Variants in FOXP1 observed in about 807,000 individuals in gnomAD.
FOXP1 encodes the protein forkhead box protein P1.
In FOXP1, 15 loss-of-function variants were observed where a neutral mutation model predicts 98.2. That is an observed-to-expected ratio of 0.15 (90% confidence interval 0.10 to 0.24). The LOEUF is 0.24. FOXP1 is among the 10% of genes least tolerant of loss of function. The probability of loss-of-function intolerance (pLI) is 1.00; values close to 1 mark genes in which losing one functional copy is unlikely to be tolerated. For synonymous variants in FOXP1, 371 were observed against 314.5 expected, an observed-to-expected ratio of 1.18 and a Z score of -1.90; for missense variants, 633 against 848.5, an observed-to-expected ratio of 0.75 and a Z score of 3.15.
chr3:70,982,156 A>G (rs1030109617), intron 14 of FOXP1, among the ~76,000 whole-genome samples: 1 of 152,164 alleles, frequency 6.6e-6, no homozygotes, highest in African/African-American at 2.4e-5. Flanking sequence ...GCCTCTTTGA[A>G]AAAAGAGTGC....
chr3:71,171,147 G>T (rs1039797645), intron 6 of FOXP1, among the ~76,000 whole-genome samples: 24 of 149,168 alleles, frequency 1.6e-4, no homozygotes, highest in African/African-American at 5.9e-4. Flanking sequence ...GAATTTCTGA[G>T]TCTGCCTTTG....
intron 7 of FOXP1, among the ~76,000 whole-genome samples, chr3:71,096,436 A>C (rs984284490): frequency 6.6e-6 from 1 of 152,228 alleles, no homozygotes; most frequent in Non-Finnish European, 1.5e-5. Context: ...TAATTACCTT[A>C]GTTCTGATGC....
intron 7 of FOXP1, among the ~76,000 whole-genome samples, chr3:71,090,973 T>C (rs187635047): frequency 6.6e-6 from 1 of 152,116 alleles, no homozygotes; most frequent in Non-Finnish European, 1.5e-5. Context: ...ATTCAATTTT[T>C]TGTGTGTCCA....
At position 71,199,489 on chromosome 3, in the gene FOXP1, G is replaced by A. The variant is rs1217526710; in HGVS notation, c.-11-1097C>T. 2.0e-5 allele frequency among the ~76,000 whole-genome samples: 3 copies of A among 151,924 alleles called. No homozygotes were observed. The South Asian group carries it at 6.2e-4, about 32-fold the overall frequency. On this transcript the variant is annotated intron_variant, in intron 5 of 20. Transcript: ENST00000649528. The stretch of plus-strand genomic sequence containing the variant: ...CACCTGTAATCCCAGCACTTTAGGA[G>A]GATGAGGCAGGTGGAACACTTAAGG...
chr3:71,433,177 A>G (rs2108397914), intron 3 of FOXP1, among the ~76,000 whole-genome samples: 1 of 152,340 alleles, frequency 6.6e-6, no homozygotes, highest in East Asian at 1.9e-4. Context: ...AGCATATGTA[A>G]GACTTCAGCC....
chr3:71,158,685 T>A (rs2060974267), intron 6 of FOXP1, among the ~76,000 whole-genome samples: 2 of 129,478 alleles, frequency 1.5e-5, no homozygotes, highest in African/African-American at 6.2e-5. Flanking sequence ...GACTGAAAGG[T>A]AAAGTCATTT....
intron 7 of FOXP1, among the ~76,000 whole-genome samples, chr3:71,071,856 G>C (rs1252868995): frequency 6.6e-6 from 1 of 152,104 alleles, no homozygotes; most frequent in East Asian, 1.9e-4. Flanking sequence ...GATTACAGGC[G>C]TGAGCCACTG....
chr3:71,131,422 A>AAAT (rs1553753291), intron 6 of FOXP1, among the ~76,000 whole-genome samples: 1 of 148,842 alleles, frequency 6.7e-6, no homozygotes. Context: ...AAAAAAAAAA[A>AAAT]GGAGGAAGAA....
chr3:71,279,563 T>C (rs2071292436), intron 5 of FOXP1, among the ~76,000 whole-genome samples: 1 of 152,184 alleles, frequency 6.6e-6, no homozygotes, highest in African/African-American at 2.4e-5. Context: ...AAGCTGATGC[T>C]GAGAAACTGT....
intron 12 of FOXP1, 119 bp from the exon 13 acceptor site, chr3:71,001,178 CA>C (rs1400513893): frequency 9.5e-6 from 7 of 735,004 alleles, no homozygotes; most frequent in South Asian, 1.5e-5. Flanking sequence ...GATAGTAGTC[CA>C]GGGGGTGGCC....
At chr3:71,435,922 AGGGAC>A (rs2085291966) in intron 3 of FOXP1, among the ~76,000 whole-genome samples, 3 of 58,596 alleles carry the variant, frequency 5.1e-5, no homozygotes, top group African/African-American at 1.2e-4. Flanking sequence ...GGAGGGAGGA[AGGGAC>A]GGAGGGAGGG....
intron 20 of FOXP1, 117 bp from the exon 21 acceptor site, chr3:70,959,508 T>C (rs2032700715): frequency 9.0e-7 from 1 of 1,111,310 alleles, no homozygotes; most frequent in Non-Finnish European, 1.3e-6. Context: ...CTCTGTCCAG[T>C]ATTGTTACCA....
At chr3:71,535,432 C>A (rs1471755059) in intron 2 of FOXP1, among the ~76,000 whole-genome samples, 1 of 151,926 alleles carries the variant, frequency 6.6e-6, no homozygotes, top group South Asian at 2.1e-4. Flanking sequence ...AGGCCAGGCA[C>A]AGTGGCTCAT....
intron 7 of FOXP1, among the ~76,000 whole-genome samples, chr3:71,085,753 T>C (rs2055010365): frequency 6.9e-6 from 1 of 145,704 alleles, no homozygotes; most frequent in Non-Finnish European, 1.5e-5. Flanking sequence ...TTTTTTTACA[T>C]GGAGTCTCAC....
chr3:71,190,638 CAA>C (rs55747148), intron 6 of FOXP1, among the ~76,000 whole-genome samples: 49 of 43,504 alleles, frequency 1.1e-3, no homozygotes, highest in African/African-American at 3.9e-3. Context: ...ACCCCATCTC[CAA>C]AAAAAAAAAA....
chr3:71,539,134 T>C lies in FOXP1; in HGVS notation c.-298+42415A>G, dbSNP rs374342607. ...GTTTTTATTTTTTTTTTGTTTGAGA[T>C]GGGGTCTCGCTCTGTCGCCCAGGCT... On this transcript the variant is annotated intron_variant, in intron 2 of 20. Coordinates refer to ENST00000649528, the MANE Select transcript of FOXP1 (RefSeq NM_001349338.3). 3.9e-3 allele frequency among the ~76,000 whole-genome samples: 389 copies of C among 99,552 alleles called. 6 individuals are homozygous for C. The highest frequency in any genetic ancestry group is 0.024 in the Admixed American group (266 of 11,102). 65.3% of individuals were successfully genotyped at this position (99,552 alleles called of 152,430 possible).
intron 6 of FOXP1, among the ~76,000 whole-genome samples, chr3:71,138,450 TAA>T (rs1287204675): frequency 2.6e-5 from 4 of 151,734 alleles, no homozygotes; most frequent in Non-Finnish European, 5.9e-5. Flanking sequence ...AAAAATACAT[TAA>T]AAAAAATAAA....
chr3:71,155,996 C>G (rs562290735), intron 6 of FOXP1, among the ~76,000 whole-genome samples: 1 of 152,306 alleles, frequency 6.6e-6, no homozygotes, highest in East Asian at 1.9e-4. Context: ...CCATGAACTT[C>G]TTTGGTAAGG....
intron 3 of FOXP1, among the ~76,000 whole-genome samples, chr3:71,463,376 A>G (rs1226395221): frequency 2.0e-5 from 3 of 150,928 alleles, no homozygotes; most frequent in African/African-American, 7.3e-5. Flanking sequence ...AAAAAAAAAA[A>G]AAAACTCACC....
Sources: gnomAD v4.1 joint callset for allele counts (sites outside exome capture counted in the v4.1 genomes callset) on GRCh38, gnomAD v4.1.1 for gene constraint, MANE v1.5 for transcripts, NCBI Gene and HGNC (gene_info 2026-07-23, HGNC 2026-07-21) for gene names.